Variants in DZIP3 observed in about 807,000 individuals in gnomAD.
DZIP3 encodes DAZ interacting zinc finger protein 3, also known as E3 ubiquitin-protein ligase DZIP3.
Under a neutral mutation model 162.0 loss-of-function variants are expected in DZIP3, and 118 were observed. The observed-to-expected ratio is 0.73, with a 90% CI of 0.63 to 0.85. The LOEUF (loss-of-function observed/expected upper bound fraction) is 0.85. DZIP3 is among the 40% of genes least tolerant of loss of function. The pLI, the probability that DZIP3 is intolerant of heterozygous loss-of-function variation, is 0.00. For synonymous variants in DZIP3, 438 were observed against 458.6 expected (o/e 0.96, Z 0.57); for missense variants, 1,331 against 1,407.0 (o/e 0.95, Z 0.86).
chr3:108,622,776 C>T (rs1941412012), intron 5 of DZIP3, among the ~76,000 whole-genome samples: 1 of 151,502 alleles, frequency 6.6e-6, no homozygotes, highest in Non-Finnish European at 1.5e-5. Context: ...TCTGGAAGAA[C>T]TCCTTGGATT....
chr3:108,637,539 T>C lies in DZIP3; in HGVS notation c.1055T>C (p.Leu352Ser). ...GATGAATATATCACCATTGAAAATT[T>C]AGGAGCAAGGTAAGCTTAAAATAAA... ...RKDEYITIEN[L>S]GASYRKLISL... Residue 352 changes from leucine to serine, a missense_variant, in exon 12 of 33, where the codon TTA becomes TCA. Around this residue, in one of 2 missense-constraint regions of DZIP3, gnomAD observed 1,278 missense variants for 1,317.1 expected, o/e 0.97. Coordinates refer to ENST00000361582, the MANE Select transcript of DZIP3 (RefSeq NM_014648.4). 1 of 1,610,300 alleles carries C rather than the reference T, an allele frequency of 6.2e-7. No individual in the cohort carries two copies. The highest frequency in any genetic ancestry group is 8.5e-7 in the Non-Finnish European group (1 of 1,178,502).
At chr3:108,659,527 TATC>T (rs1195740137) in intron 19 of DZIP3, among the ~76,000 whole-genome samples, 1 of 152,064 alleles carries the variant, frequency 6.6e-6, no homozygotes, top group Non-Finnish European at 1.5e-5. Flanking sequence ...CCACAGCCAA[TATC>T]ATACTGAATG....
intron 8 of DZIP3, among the ~76,000 whole-genome samples, chr3:108,631,055 A>ACACACACACACACATACTCTCTCTCT: frequency 5.6e-5 from 1 of 18,006 alleles, no homozygotes; most frequent in African/African-American, 2.8e-4. Context: ...ACACACACAC[A>ACACACACACACACATACTCTCTCTCT]CTCTCTCTCT....
At position 108,647,993 on chromosome 3, in the gene DZIP3, C is replaced by T. The variant is rs542906078; in HGVS notation, c.1843C>T (p.Leu615Phe). 1 of 1,603,950 alleles carries T rather than the reference C, an allele frequency of 6.2e-7. No individual in the cohort carries two copies. Among genetic ancestry groups the T allele is most frequent in the Non-Finnish European group, 8.5e-7 (1 of 1,176,376 alleles). ...QNEEEELSPPLMEYNINVKSH... is the reference protein window; with the variant it reads ...QNEEEELSPPFMEYNINVKSH... ...TGAGGAAGAAGAACTAAGTCCACCT[C>T]TCATGGAGTACAATATAAATGTGAA... Residue 615 changes from leucine to phenylalanine, a missense_variant, in exon 16 of 33, where the codon CTC (leucine) becomes TTC (phenylalanine). Physicochemically the swap from Leu to Phe is conservative, Grantham distance 22 (BLOSUM62 0). Around this residue, in one of 2 missense-constraint regions of DZIP3, gnomAD observed 1,278 missense variants for 1,317.1 expected, o/e 0.97. Transcript: ENST00000361582.
chr3:108,636,771 G>C, intron 11 of DZIP3, 63 bp downstream of exon 11: 1 of 1,183,824 alleles, frequency 8.4e-7, no homozygotes, highest in Admixed American at 2.3e-5. Flanking sequence ...AAATATTTTT[G>C]ACTTGAAACA....
chr3:108,594,438 C>A (rs1181912955), intron 1 of DZIP3, among the ~76,000 whole-genome samples: 1 of 128,890 alleles, frequency 7.8e-6, no homozygotes, highest in Admixed American at 8.1e-5. Context: ...CCCTGCTCCC[C>A]CCCCATATAT....
chr3:108,644,752 T>C lies in DZIP3; in HGVS notation c.1730T>C (p.Ile577Thr), dbSNP rs574639338. The C allele has an allele frequency of 6.2e-7, 1 of 1,605,432 alleles. No homozygotes were observed. Among genetic ancestry groups the C allele is most frequent in the East Asian group, 2.2e-5 (1 of 44,756 alleles). Residue 577 changes from isoleucine (I) to threonine (T), a missense_variant, in exon 14 of 33, where the codon ATA becomes ACA. By Grantham distance (89) the Ile-to-Thr change is moderately conservative (BLOSUM62 -1). Transcript: ENST00000361582. ...VYLGIPVPEI[I>T]QRMLSCYQQG... ...CTAGGCATACCAGTACCAGAAATCA[T>C]ACAGAGGATGTTATCCTGCTATCAA...
chr3:108,648,871 TG>T, intron 16 of DZIP3, 46 bp from the exon 17 acceptor site: 1 of 1,050,070 alleles, frequency 9.5e-7, no homozygotes, highest in Non-Finnish European at 1.3e-6. Context: ...AATAACCCAT[TG>T]GGCAATTTGA....
intron 5 of DZIP3, among the ~76,000 whole-genome samples, chr3:108,618,087 A>G (rs1941112415): frequency 1.3e-5 from 2 of 152,230 alleles, no homozygotes; most frequent in South Asian, 2.1e-4. Context: ...TGGATTATGT[A>G]TTATGGGGGT....
intron 5 of DZIP3, among the ~76,000 whole-genome samples, chr3:108,618,134 T>C (rs1941114798): frequency 6.6e-6 from 1 of 152,226 alleles, no homozygotes; most frequent in Admixed American, 6.5e-5. Context: ...AATTTTATTC[T>C]AGTTCTTGGA....
At chr3:108,633,972 C>T (rs1431367208) in intron 9 of DZIP3, among the ~76,000 whole-genome samples, 1 of 150,304 alleles carries the variant, frequency 6.7e-6, no homozygotes, top group Non-Finnish European at 1.5e-5. Flanking sequence ...TATCAGAATA[C>T]TTCTGATAGA....
Position 108,657,937 on chromosome 3 carries a change from T to C in DZIP3, c.2199+3627T>C, listed in dbSNP as rs57568557. 6.8e-3 allele frequency among the ~76,000 whole-genome samples: 1,042 copies of C among 152,286 alleles called. 5 individuals carry two copies. The highest frequency in any genetic ancestry group is 0.024 in the African/African-American group (982 of 41,540). ...AAGGGATCAATTAAACAAGAAGAGC[T>C]AACTATCCTAAATATATATGCACCC... On this transcript the variant is annotated intron_variant, in intron 19 of 32. Transcript: ENST00000361582.
chr3:108,667,089 A>G (rs1256780062), intron 21 of DZIP3, among the ~76,000 whole-genome samples: 2 of 151,838 alleles, frequency 1.3e-5, no homozygotes, highest in Non-Finnish European at 2.9e-5. Context: ...AGAGGCTGAG[A>G]TGGGAGGATT....
intron 3 of DZIP3, among the ~76,000 whole-genome samples, chr3:108,610,103 A>G (rs917690596): frequency 1.3e-4 from 20 of 152,304 alleles, no homozygotes; most frequent in African/African-American, 4.6e-4. Context: ...TAGTAGTACA[A>G]TGAACATCCT....
At chr3:108,642,107 T>C (rs1216253645) in intron 12 of DZIP3, among the ~76,000 whole-genome samples, 1 of 152,178 alleles carries the variant, frequency 6.6e-6, no homozygotes, top group African/African-American at 2.4e-5. Context: ...ATTTGCTATT[T>C]TTTTGTTTGC....
intron 26 of DZIP3, among the ~76,000 whole-genome samples, chr3:108,681,514 C>G (rs1347003122): frequency 6.6e-6 from 1 of 152,062 alleles, no homozygotes; most frequent in Admixed American, 6.6e-5. Flanking sequence ...TTGTGGAAGA[C>G]AGTGTGACGA....
intron 1 of DZIP3, among the ~76,000 whole-genome samples, chr3:108,591,117 A>G (rs1939387637): frequency 6.6e-6 from 1 of 152,218 alleles, no homozygotes; most frequent in African/African-American, 2.4e-5. Flanking sequence ...CAAGGAGTTG[A>G]GAAAGGGAGC....
chr3:108,690,003 T>C (rs1170920902), intron 31 of DZIP3, among the ~76,000 whole-genome samples: 1 of 152,244 alleles, frequency 6.6e-6, no homozygotes, highest in Non-Finnish European at 1.5e-5. Context: ...ACAAAATGCC[T>C]AATCCCAAAA....
At position 108,644,719 on chromosome 3, in the gene DZIP3, C is replaced by T. The variant is rs1942550167; in HGVS notation, c.1697C>T (p.Ser566Phe). ...ATCTCCCTTGATTACCATCAGCTAT[C>T]TGTCTACCTAGGCATACCAGTACCA... ...ENISLDYHQL[S>F]VYLGIPVPEI... The change falls in exon 14 of 33, where the codon TCT becomes TTT. Residue 566 changes from serine to phenylalanine, a missense_variant. This residue lies in a region of DZIP3 where 1,278 missense variants were observed against 1,317.1 expected (regional missense o/e 0.97). Transcript: ENST00000361582. 6.2e-7 allele frequency: 1 copy of T among 1,612,000 alleles called. No individual in the cohort carries two copies. The highest frequency in any genetic ancestry group is 8.5e-7 in the Non-Finnish European group (1 of 1,179,844).
Sources: gnomAD v4.1 joint callset for allele counts (sites outside exome capture counted in the v4.1 genomes callset) on GRCh38, gnomAD v4.1.1 for gene constraint, gnomAD v4.1.1 regional missense constraint, MANE v1.5 for transcripts, NCBI Gene and HGNC (gene_info 2026-07-23, HGNC 2026-07-21) for gene names.